ZBTB7C: variants seen among roughly 807,000 people sequenced by gnomAD.
ZBTB7C encodes the protein zinc finger and BTB domain-containing protein 7C.
In ZBTB7C, 8 loss-of-function variants were observed where a neutral mutation model predicts 25.7. The observed-to-expected ratio is 0.31, with a 90% confidence interval of 0.18 to 0.56. The LOEUF is 0.56. Ranked by LOEUF, ZBTB7C falls within the 20% of genes least tolerant of loss-of-function variation. The pLI is 0.91. For missense variants in ZBTB7C, 824 were observed against 855.2 expected (o/e 0.96, Z 0.46); for synonymous variants, 394 against 369.0 (o/e 1.07, Z -0.78).
At chr18:48,058,461 C>T (rs2037002225) in intron 3 of ZBTB7C, among the ~76,000 whole-genome samples, 1 of 152,210 alleles carries the variant, frequency 6.6e-6, no homozygotes. Context: ...TGCCTCTGAA[C>T]AGTCCATTCT....
intron 2 of ZBTB7C, among the ~76,000 whole-genome samples, chr18:48,303,516 CA>C (rs1221815986): frequency 6.6e-6 from 1 of 152,210 alleles, no homozygotes; most frequent in Non-Finnish European, 1.5e-5. Context: ...AAGGTGTTAA[CA>C]CTATCAAATA....
intron 4 of ZBTB7C, among the ~76,000 whole-genome samples, chr18:48,031,399 T>A (rs761160907): frequency 1.3e-5 from 2 of 152,124 alleles, no homozygotes; most frequent in Non-Finnish European, 1.5e-5. Flanking sequence ...CACATCCCAC[T>A]GCTCCTGCCT....
At chr18:48,276,546 C>T (rs1298512764) in intron 2 of ZBTB7C, among the ~76,000 whole-genome samples, 8 of 116,398 alleles carry the variant, frequency 6.9e-5, no homozygotes, top group Non-Finnish European at 8.7e-5. Context: ...TGAGAATATG[C>T]GGTGTTTGGT....
intron 2 of ZBTB7C, among the ~76,000 whole-genome samples, chr18:48,215,272 G>A (rs1262264800): frequency 6.6e-6 from 1 of 152,128 alleles, no homozygotes; most frequent in East Asian, 1.9e-4. Context: ...CTTACTCCCA[G>A]TGTTGACCAA....
At chr18:48,341,736 G>T (rs150050192) in intron 1 of ZBTB7C, among the ~76,000 whole-genome samples, 329 of 152,340 alleles carry the variant, frequency 2.2e-3, no homozygotes, top group Non-Finnish European at 3.4e-3. Context: ...CCATCATCAT[G>T]CACTGCCATG....
intron 3 of ZBTB7C, among the ~76,000 whole-genome samples, chr18:48,152,394 A>T (rs1162233277): frequency 6.6e-6 from 1 of 152,244 alleles, no homozygotes; most frequent in Admixed American, 6.5e-5. Flanking sequence ...TGTATGAATT[A>T]TATATTGTTT....
chr18:48,382,390 T>C (rs1408392414), intron 1 of ZBTB7C, among the ~76,000 whole-genome samples: 4 of 152,206 alleles, frequency 2.6e-5, no homozygotes, highest in African/African-American at 9.6e-5. Flanking sequence ...ATCGCTAAAC[T>C]TCACTATGCC....
rs1271754199 is a variant in ZBTB7C, at chr18:48,127,132, T to C, written c.-17+58802A>G. The stretch of plus-strand genomic sequence containing the variant: ...AACCCTAGGAGGCTCCATCCCCATT[T>C]TGCAAATGGGGAAACTGTAGCACAG... On this transcript the variant is annotated intron_variant, in intron 3 of 4. Coordinates refer to ENST00000590800, the MANE Select transcript of ZBTB7C (RefSeq NM_001318841.2). Among the ~76,000 whole-genome samples, 4 of 152,134 alleles carry C rather than the reference T, an allele frequency of 2.6e-5. No individual in the cohort carries two copies. The East Asian group carries it at 7.7e-4, about 29-fold the overall frequency.
intron 1 of ZBTB7C, among the ~76,000 whole-genome samples, chr18:48,385,120 G>A (rs975303343): frequency 1.3e-5 from 2 of 152,190 alleles, no homozygotes; most frequent in Non-Finnish European, 2.9e-5. Flanking sequence ...TCACATCATG[G>A]TTGACATACC....
intron 1 of ZBTB7C, among the ~76,000 whole-genome samples, chr18:48,349,248 T>C (rs2145028115): frequency 6.6e-6 from 1 of 152,292 alleles, no homozygotes; most frequent in Admixed American, 6.5e-5. Flanking sequence ...CAGTATATTT[T>C]CCAATATGAA....
intron 3 of ZBTB7C, among the ~76,000 whole-genome samples, chr18:48,063,483 C>T (rs2037202012): frequency 1.3e-5 from 2 of 151,940 alleles, no homozygotes. Flanking sequence ...AGTAGGGTGA[C>T]AGAACATAAC....
At chr18:48,220,329 G>T (rs1166280620) in intron 2 of ZBTB7C, among the ~76,000 whole-genome samples, 1 of 152,204 alleles carries the variant, frequency 6.6e-6, no homozygotes, top group African/African-American at 2.4e-5. Context: ...CAGTGCCAGC[G>T]CTGGCACCTT....
At chr18:48,315,932 C>T (rs550973371) in intron 2 of ZBTB7C, among the ~76,000 whole-genome samples, 35 of 152,246 alleles carry the variant, frequency 2.3e-4, no homozygotes, top group Admixed American at 1.8e-3. Flanking sequence ...GCACGGGAAG[C>T]GCCCAGCCCC....
chr18:48,054,721 C>G (rs1468478346), intron 3 of ZBTB7C, among the ~76,000 whole-genome samples: 3 of 152,138 alleles, frequency 2.0e-5, no homozygotes, highest in Non-Finnish European at 4.4e-5. Flanking sequence ...AATTTCCAGG[C>G]TTAATTGCAC....
intron 2 of ZBTB7C, among the ~76,000 whole-genome samples, chr18:48,316,565 G>T (rs1289192985): frequency 2.6e-5 from 4 of 152,212 alleles, no homozygotes; most frequent in African/African-American, 4.8e-5. Context: ...CCATGCCCTT[G>T]GCAATGAGTG....
intron 3 of ZBTB7C, among the ~76,000 whole-genome samples, chr18:48,132,165 C>T (rs1416815157): frequency 6.6e-6 from 1 of 152,096 alleles, no homozygotes; most frequent in Non-Finnish European, 1.5e-5. Flanking sequence ...AATGGATTTA[C>T]CCATTATGGG....
chr18:48,232,981 C>T (rs1223740156), intron 2 of ZBTB7C, among the ~76,000 whole-genome samples: 3 of 152,112 alleles, frequency 2.0e-5, no homozygotes, highest in Non-Finnish European at 2.9e-5. Context: ...GTAGGTGAAA[C>T]AGTATATAAG....
chr18:48,036,133 A>G (rs1368046179), intron 4 of ZBTB7C, among the ~76,000 whole-genome samples: 1 of 152,234 alleles, frequency 6.6e-6, no homozygotes. Context: ...CATATTTGGA[A>G]CAGATCAGTG....
chr18:48,155,318 CTTTTTTTTTTTTT>C (rs578058729), intron 3 of ZBTB7C, among the ~76,000 whole-genome samples: 5 of 78,006 alleles, frequency 6.4e-5, no homozygotes, highest in Admixed American at 1.8e-4. Flanking sequence ...CTGTAATATT[CTTTTTTTTTTTTT>C]TTTTTTTTTT....
Sources: allele counts gnomAD v4.1 joint callset (sites outside exome capture counted in the v4.1 genomes callset), GRCh38; gene constraint gnomAD v4.1.1; transcripts MANE v1.5; gene names NCBI Gene and HGNC (gene_info 2026-07-23, HGNC 2026-07-21).